ADGRL4: variants seen among roughly 807,000 people sequenced by gnomAD.
ADGRL4 encodes EGF, latrophilin and seven transmembrane domain containing 1.
In ADGRL4, 90 loss-of-function variants were observed where a neutral mutation model predicts 74.8. That is an observed-to-expected ratio of 1.20 (90% CI 1.02 to 1.43). The LOEUF is 1.43. ADGRL4 is among the 40% of genes most tolerant of loss of function. ADGRL4 has a pLI of 0.00. For missense variants in ADGRL4, 881 were observed against 814.3 expected (o/e 1.08, Z -1.00); for synonymous variants, 311 against 279.2 (o/e 1.11, Z -1.14).
chr1:78,930,299 G>A (rs768830251), intron 7 of ADGRL4, among the ~76,000 whole-genome samples: 1 of 148,754 alleles, frequency 6.7e-6, no homozygotes, highest in Non-Finnish European at 1.5e-5. Flanking sequence ...ATTTTCTCAA[G>A]GTAATATAAT....
intron 3 of ADGRL4, among the ~76,000 whole-genome samples, chr1:78,940,163 T>C (rs1022406502): frequency 6.6e-6 from 1 of 152,174 alleles, no homozygotes; most frequent in Non-Finnish European, 1.5e-5. Flanking sequence ...TGTTTTCTAG[T>C]ATTAAACTAA....
chr1:78,980,932 T>C (rs1650385774), intron 2 of ADGRL4, among the ~76,000 whole-genome samples: 1 of 152,028 alleles, frequency 6.6e-6, no homozygotes, highest in African/African-American at 2.4e-5. Flanking sequence ...GCACGATCAC[T>C]GATGAAGCCT....
intron 3 of ADGRL4, among the ~76,000 whole-genome samples, chr1:78,940,087 T>C (rs1649445083): frequency 6.6e-6 from 1 of 152,148 alleles, no homozygotes; most frequent in African/African-American, 2.4e-5. Context: ...ATTTCCATCA[T>C]TGATGATGTA....
At chr1:78,930,159 T>G (rs1374945422) in intron 7 of ADGRL4, among the ~76,000 whole-genome samples, 1 of 151,386 alleles carries the variant, frequency 6.6e-6, no homozygotes, top group Non-Finnish European at 1.5e-5. Flanking sequence ...AGACCATATG[T>G]GTGTTGAGGT....
intron 2 of ADGRL4, among the ~76,000 whole-genome samples, chr1:79,003,477 G>A (rs959292151): frequency 6.6e-6 from 1 of 150,864 alleles, no homozygotes; most frequent in Non-Finnish European, 1.5e-5. Flanking sequence ...TGTGTGAAAA[G>A]AAACTGCAGG....
chr1:78,967,643 T>C (rs1166147701), intron 2 of ADGRL4, among the ~76,000 whole-genome samples: 1 of 152,168 alleles, frequency 6.6e-6, no homozygotes, highest in Non-Finnish European at 1.5e-5. Context: ...ATTAATCTTG[T>C]GGAAGAGGTT....
chr1:78,990,770 C>T (rs190993214), intron 2 of ADGRL4, among the ~76,000 whole-genome samples: 107 of 152,046 alleles, frequency 7.0e-4, no homozygotes, highest in Admixed American at 2.3e-3. Context: ...GCTTGCCTTT[C>T]TGCATTGTGT....
intron 2 of ADGRL4, among the ~76,000 whole-genome samples, chr1:78,976,752 C>T (rs945915966): frequency 4.7e-5 from 7 of 150,350 alleles, no homozygotes; most frequent in Admixed American, 2.0e-4. Flanking sequence ...GTGAACAGCA[C>T]TATATTTTTT....
intron 2 of ADGRL4, among the ~76,000 whole-genome samples, chr1:78,998,533 C>T (rs1017020367): frequency 1.3e-5 from 2 of 151,956 alleles, no homozygotes; most frequent in Non-Finnish European, 2.9e-5. Flanking sequence ...CCATGTCCAG[C>T]TAATTTTTGT....
At chr1:78,936,212 G>T (rs1258656676) in intron 7 of ADGRL4, 83 bp downstream of exon 7, 9 of 1,370,296 alleles carry the variant, frequency 6.6e-6, no homozygotes, top group Non-Finnish European at 6.9e-6. Context: ...CATGTTACAT[G>T]TACATATGAC....
intron 2 of ADGRL4, among the ~76,000 whole-genome samples, chr1:78,952,997 AT>A (rs957095539): frequency 6.6e-6 from 1 of 152,192 alleles, no homozygotes; most frequent in African/African-American, 2.4e-5. Context: ...ACTTAAGAAA[AT>A]GTTCCCGTTT....
intron 2 of ADGRL4, among the ~76,000 whole-genome samples, chr1:78,952,831 G>C (rs1570250651): frequency 6.6e-6 from 1 of 151,996 alleles, no homozygotes; most frequent in South Asian, 2.1e-4. Flanking sequence ...TGAAACTACA[G>C]GTTCATTTCA....
chr1:78,985,395 T>C (rs1266367084), intron 2 of ADGRL4, among the ~76,000 whole-genome samples: 3 of 151,814 alleles, frequency 2.0e-5, no homozygotes, highest in Non-Finnish European at 4.4e-5. Flanking sequence ...ATTTTTGCAA[T>C]AAGTATATAT....
chr1:78,932,627 A>AC lies in ADGRL4; in HGVS notation c.877+3667dup, dbSNP rs1553135339. ...AAAAACCCCTCCAAAAAAAAAAAAA[A>AC]CAATGAATCCAGAAGCTGGTTAAAA... On this transcript the variant is annotated intron_variant, in intron 7 of 14. Transcript: ENST00000370742. Among the ~76,000 whole-genome samples the AC allele has an allele frequency of 1.4e-3, 198 of 138,670 alleles. 9 individuals carry two copies. The highest frequency in any genetic ancestry group is 2.3e-3 in the Admixed American group (32 of 13,888). The allele number at this position is 138,670 out of a possible 152,430, so 91.0% of individuals were successfully genotyped here. A position where few individuals can be genotyped will look rare whatever the true frequency, so the allele number is the denominator to read the frequency against.
intron 2 of ADGRL4, among the ~76,000 whole-genome samples, chr1:78,970,859 C>T (rs1337825639): frequency 1.3e-5 from 2 of 152,130 alleles, no homozygotes; most frequent in Admixed American, 1.3e-4. Flanking sequence ...AAGCTGTAAA[C>T]TGGTTGGTTT....
intron 2 of ADGRL4, among the ~76,000 whole-genome samples, chr1:78,967,802 T>C (rs1650086198): frequency 1.3e-5 from 2 of 151,742 alleles, no homozygotes. Flanking sequence ...TTTTTGCTAC[T>C]TTAAAATTTT....
chr1:78,938,870 G>A (rs1033970683), intron 4 of ADGRL4, among the ~76,000 whole-genome samples: 2 of 152,048 alleles, frequency 1.3e-5, no homozygotes, highest in African/African-American at 4.8e-5. Context: ...TACTTAGAAT[G>A]TGGGAATGGG....
intron 2 of ADGRL4, among the ~76,000 whole-genome samples, chr1:78,995,463 T>C (rs1650694625): frequency 6.6e-6 from 1 of 152,110 alleles, no homozygotes; most frequent in Admixed American, 6.6e-5. Flanking sequence ...GTGTGCCAGG[T>C]CATAAGTGGA....
chr1:78,937,975 C>G lies in ADGRL4; in HGVS notation c.592G>C (p.Val198Leu), dbSNP rs201448012. 3 of 1,609,896 alleles carry G rather than the reference C, an allele frequency of 1.9e-6. No individual in the cohort carries two copies. The highest frequency in any genetic ancestry group is 2.5e-6 in the Non-Finnish European group (3 of 1,178,864). Residue 198 changes from valine to leucine, a missense_variant, in exon 6 of 15, where the codon GTG (valine) becomes CTG (leucine). Transcript: ENST00000370742. Reference protein sequence around the residue: ...NSTLTEFVKTVNNFVQRDTFV... With the variant: ...NSTLTEFVKTLNNFVQRDTFV... ...GTATCCCTTTGAACAAAATTATTCA[C>G]GGTTTTTACAAATTCCTATTGAAAA...
Sources: allele counts gnomAD v4.1 joint callset (sites outside exome capture counted in the v4.1 genomes callset), GRCh38; gene constraint gnomAD v4.1.1; transcripts MANE v1.5; gene names NCBI Gene and HGNC (gene_info 2026-07-23, HGNC 2026-07-21).